ZNF44: variants seen among roughly 807,000 people sequenced by gnomAD.
ZNF44 encodes zinc finger protein 44.
ZNF44 carries 9 observed loss-of-function variants against 11.7 expected under a neutral mutation model. The ratio of observed to expected loss-of-function variants is 0.77; its 90% CI spans 0.46 to 1.35. The LOEUF is 1.35. Ranked by LOEUF, ZNF44 falls within the 40% of genes most tolerant of loss-of-function variation. The probability of loss-of-function intolerance (pLI) is 0.00; values close to 1 mark genes in which losing one functional copy is unlikely to be tolerated. For synonymous variants in ZNF44, 224 were observed against 242.7 expected (o/e 0.92, Z 0.72); for missense variants, 696 against 743.1 (o/e 0.94, Z 0.74).
At chr19:12,249,507 G>GGAAAAA (rs1272050226) in intron 7 of ZNF44, among the ~76,000 whole-genome samples, 2 of 60,754 alleles carry the variant, frequency 3.3e-5, no homozygotes, top group African/African-American at 1.4e-4. Flanking sequence ...CTCCGTCTCA[G>GGAAAAA]AAAAAAAAAA....
intron 3 of ZNF44, among the ~76,000 whole-genome samples, chr19:12,228,180 T>TGCCAAAACG: frequency 9.5e-6 from 1 of 105,628 alleles, no homozygotes; most frequent in African/African-American, 4.7e-5. Flanking sequence ...TTAACTTAAC[T>TGCCAAAACG]TTTTTAAACC....
chr19:12,225,904 GTTTTCAGTTTATAGGGCTTTCA>G (rs1463928260), downstream of ZNF44, among the ~76,000 whole-genome samples: 2 of 152,106 alleles, frequency 1.3e-5, no homozygotes, highest in Admixed American at 6.5e-5. Context: ...GAAACATCAA[GTTTTCAGTTTATAGGGCTTTCA>G]GAAAGCACAG....
downstream of ZNF44, among the ~76,000 whole-genome samples, chr19:12,244,361 G>C (rs771892361): frequency 3.3e-5 from 5 of 152,220 alleles, no homozygotes; most frequent in Admixed American, 6.5e-5. Context: ...ACAACTTGTT[G>C]GTGCGTCCCA....
intron 5 of ZNF44, among the ~76,000 whole-genome samples, chr19:12,265,592 C>G (rs1917698178): frequency 6.6e-6 from 1 of 152,136 alleles, no homozygotes. Context: ...CGCAACTATG[C>G]TCAAGGACAG....
At chr19:12,292,855 G>GTTTTTTTTTTT (rs71166664) in intron 1 of ZNF44, among the ~76,000 whole-genome samples, 2 of 76,916 alleles carry the variant, frequency 2.6e-5, no homozygotes, top group African/African-American at 4.9e-5. Context: ...CAGAGGTTAG[G>GTTTTTTTTTTT]TTTTTTTTTT....
At chr19:12,238,175 T>C (rs1009135726), upstream of ZNF44, 1 of 152,264 alleles carries the variant, frequency 6.6e-6, no homozygotes, top group South Asian at 2.1e-4. Context: ...AAAAAAGTTA[T>C]ACTACAGCAA....
chr19:12,245,828 A>G (rs1188738189), downstream of ZNF44, among the ~76,000 whole-genome samples: 4 of 152,036 alleles, frequency 2.6e-5, no homozygotes, highest in Non-Finnish European at 5.9e-5. Context: ...TAGCCTAATG[A>G]CATGAAAGCT....
chr19:12,224,719 AC>A (rs1915847233), downstream of ZNF44: 1 of 152,136 alleles, frequency 6.6e-6, no homozygotes, highest in Non-Finnish European at 1.5e-5. Context: ...TATAGAAAAG[AC>A]CTGAGAGAGG....
At chr19:12,234,219 A>G (rs1916285378) in intron 2 of ZNF44, among the ~76,000 whole-genome samples, 1 of 152,212 alleles carries the variant, frequency 6.6e-6, no homozygotes, top group Non-Finnish European at 1.5e-5. Flanking sequence ...GCTCCCCCAT[A>G]GCTATTATAA....
rs1967028240 is a variant in ZNF44, at chr19:12,273,024, G to A, written c.1231C>T (p.His411Tyr). 6.2e-7 allele frequency: 1 copy of A among 1,614,058 alleles called. No homozygotes were observed. The highest frequency in any genetic ancestry group is 1.7e-5 in the Admixed American group (1 of 60,004). ...AFDSPSVFQR[H>Y]ERTHTGEKPY... Reference sequence around the variant, plus strand: ...TTCTCTCCAGTGTGAGTCCTTTCATGTCTTTGAAATACACTAGGAGAATCA... The same window carrying A: ...TTCTCTCCAGTGTGAGTCCTTTCATATCTTTGAAATACACTAGGAGAATCA... The change falls in exon 4 of 4, where the codon CAT becomes TAT. Residue 411 changes from histidine to tyrosine, a missense_variant. Transcript: ENST00000355684.
At chr19:12,292,865 T>G (rs1238969315) in intron 1 of ZNF44, among the ~76,000 whole-genome samples, 2 of 121,410 alleles carry the variant, frequency 1.6e-5, no homozygotes, top group Non-Finnish European at 3.4e-5. Context: ...GTTTTTTTTT[T>G]TTTTTTTTTT....
intron 5 of ZNF44, among the ~76,000 whole-genome samples, chr19:12,252,560 A>G (rs935996859): frequency 2.0e-5 from 3 of 152,220 alleles, no homozygotes; most frequent in African/African-American, 7.2e-5. Flanking sequence ...GCTACAACAT[A>G]TAAGTACAGT....
chr19:12,236,716 C>A (rs1274274184), intron 1 of ZNF44, among the ~76,000 whole-genome samples: 1 of 152,212 alleles, frequency 6.6e-6, no homozygotes, highest in African/African-American at 2.4e-5. Context: ...CTTTCATATA[C>A]TTTCACCACA....
At position 12,273,128 on chromosome 19, in the gene ZNF44, T is replaced by C. The variant is rs1568443005; in HGVS notation, c.1127A>G (p.His376Arg). Residue 376 changes from histidine to arginine, a missense_variant, in exon 4 of 4, where the codon CAT becomes CGT. By Grantham distance (29) the His-to-Arg change is conservative. Coordinates refer to ENST00000355684, the MANE Select transcript of ZNF44 (RefSeq NM_016264.4). ...CATGTGTCTTCGAAAGCTTGAGCGA[T>C]GAGATAACAATTTCCCACATTGCTT... ...ECKQCGKLLS[H>R]RSSFRRHMMA... is the part of the protein sequence containing the mutation. 6.2e-7 allele frequency: 1 copy of C among 1,605,600 alleles called. No individual in the cohort carries two copies. Among genetic ancestry groups the C allele is most frequent in the Non-Finnish European group, 8.5e-7 (1 of 1,172,292 alleles).
At chr19:12,288,774 G>GTATATATATATATACATATA (rs1967870708) in intron 1 of ZNF44, among the ~76,000 whole-genome samples, 2 of 76,840 alleles carry the variant, frequency 2.6e-5, no homozygotes, top group Non-Finnish European at 4.3e-5. Flanking sequence ...AAAAAAAAAT[G>GTATATATATATATACATATA]TATATATATA....
At chr19:12,246,719 G>C (rs932352193), downstream of ZNF44, among the ~76,000 whole-genome samples, 1 of 152,136 alleles carries the variant, frequency 6.6e-6, no homozygotes, top group African/African-American at 2.4e-5. Context: ...AGAGTGCAGA[G>C]ATCCACTTTA....
chr19:12,225,994 A>C (rs765493068), downstream of ZNF44, among the ~76,000 whole-genome samples: 5 of 152,226 alleles, frequency 3.3e-5, no homozygotes, highest in African/African-American at 4.8e-5. Context: ...GAAAATAGTA[A>C]GAATTGAAAA....
chr19:12,232,928 T>C (rs1330716647), intron 2 of ZNF44, among the ~76,000 whole-genome samples: 1 of 151,446 alleles, frequency 6.6e-6, no homozygotes, highest in Non-Finnish European at 1.5e-5. Flanking sequence ...TCAAGAGCAA[T>C]ATCAGAGACT....
rs1191290253 is a variant in ZNF44 at position 12,257,790 on chromosome 19, C to T, written c.1913-7422G>A. ...CACTCCAGCCCCGGCAACAGCAAAA[C>T]TCTGTCTCAAAAAAAAAAAAAAAAA... On this transcript the variant is annotated intron_variant and NMD_transcript_variant, in intron 5 of 7. Transcript: ENST00000393337. Among the ~76,000 whole-genome samples, 13 of 132,618 alleles carry T rather than the reference C, an allele frequency of 9.8e-5. No individual in the cohort carries two copies. The South Asian group carries it at 1.2e-3, about 13-fold the overall frequency. The allele number at this position is 132,618 out of a possible 152,430, so 87.0% of individuals were successfully genotyped here. A position where few individuals can be genotyped will look rare whatever the true frequency, so the allele number is the denominator to read the frequency against.
Sources: allele counts gnomAD v4.1 joint callset (sites outside exome capture counted in the v4.1 genomes callset), GRCh38; gene constraint gnomAD v4.1.1; transcripts MANE v1.5; gene names NCBI Gene and HGNC (gene_info 2026-07-23, HGNC 2026-07-21).